Variants in ANKRD12 observed in about 807,000 individuals in gnomAD.
ANKRD12 encodes the protein ankyrin repeat domain 12.
A neutral mutation model predicts 183.4 loss-of-function variants in ANKRD12; 85 were observed. The ratio of observed to expected loss-of-function variants is 0.46; its 90% CI spans 0.39 to 0.56. The LOEUF is 0.56. Among genes scored for constraint, ANKRD12 ranks in the 20% least tolerant of loss-of-function variants. The pLI, the probability that ANKRD12 is intolerant of heterozygous loss-of-function variation, is 0.00. For missense variants in ANKRD12, 2,405 were observed against 2,357.1 expected, an observed-to-expected ratio of 1.02 and a Z score of -0.42; for synonymous variants, 914 against 800.2, an observed-to-expected ratio of 1.14 and a Z score of -2.40.
chr18:9,162,784 CA>C (rs1336122364), intron 1 of ANKRD12, among the ~76,000 whole-genome samples: 2 of 148,936 alleles, frequency 1.3e-5, no homozygotes, highest in Non-Finnish European at 3.0e-5. Flanking sequence ...TTTTGATTTG[CA>C]TTTCTCTAAT....
At chr18:9,167,859 A>G (rs1360547144) in intron 1 of ANKRD12, among the ~76,000 whole-genome samples, 6 of 152,144 alleles carry the variant, frequency 3.9e-5, no homozygotes, top group Admixed American at 3.9e-4. Flanking sequence ...TGGGTTTGTC[A>G]TACATAGCTC....
intron 8 of ANKRD12, among the ~76,000 whole-genome samples, chr18:9,253,445 T>C (rs1363226836): frequency 2.0e-5 from 3 of 152,236 alleles, no homozygotes; most frequent in African/African-American, 2.4e-5. Context: ...TTTGTCTTAG[T>C]GTGTCTGGCT....
chr18:9,144,894 A>G (rs1434163980), intron 1 of ANKRD12, among the ~76,000 whole-genome samples: 4 of 150,780 alleles, frequency 2.7e-5, no homozygotes, highest in Admixed American at 6.6e-5. Flanking sequence ...TATGTAATAC[A>G]TACATTATGT....
intron 10 of ANKRD12, among the ~76,000 whole-genome samples, chr18:9,274,815 CTTGT>C (rs751555637): frequency 2.0e-5 from 3 of 152,190 alleles, no homozygotes; most frequent in South Asian, 4.1e-4. Flanking sequence ...GGTTACTTAG[CTTGT>C]TTGTTTGTAG....
intron 12 of ANKRD12, among the ~76,000 whole-genome samples, chr18:9,280,529 G>A (rs1221953989): frequency 6.6e-6 from 1 of 152,118 alleles, no homozygotes; most frequent in Admixed American, 6.6e-5. Flanking sequence ...CAGTTCACAC[G>A]TGTAATCCCA....
At chr18:9,263,694 G>GT (rs751643555) in intron 9 of ANKRD12, 96 bp from the exon 10 acceptor site, 26 of 837,150 alleles carry the variant, frequency 3.1e-5, no homozygotes, top group Non-Finnish European at 4.4e-5. Context: ...ATCAGAATTT[G>GT]TTTTTTTATG....
In ANKRD12 at chr18:9,178,968, A is replaced by T. The variant is rs185401406; in HGVS notation, c.-51-3414A>T. On this transcript the variant is annotated intron_variant, in intron 1 of 12. Coordinates refer to ENST00000262126, the MANE Select transcript of ANKRD12 (RefSeq NM_015208.5). ...TTGCTTATTGCTAGTATGTAGAAAA[A>T]TTTTTTCACATATTCACCATGTATT... 1.2e-3 allele frequency among the ~76,000 whole-genome samples: 175 copies of T among 151,990 alleles called. 2 individuals carry two copies. The highest frequency in any genetic ancestry group is 3.9e-3 in the African/African-American group (162 of 41,452).
intron 3 of ANKRD12, among the ~76,000 whole-genome samples, chr18:9,196,189 T>TACACAC (rs34220366): frequency 0.21 from 10,904 of 51,438 alleles, 672 homozygotes; most frequent in South Asian, 0.28. Flanking sequence ...ATAGAATTTT[T>TACACAC]ACACACACAC....
At chr18:9,230,998 T>A (rs112272482) in intron 8 of ANKRD12, among the ~76,000 whole-genome samples, 63 of 152,232 alleles carry the variant, frequency 4.1e-4, no homozygotes, top group African/African-American at 1.5e-3. Flanking sequence ...GAATTTTTTT[T>A]ATTTCCATCT....
At chr18:9,206,543 C>G (rs1016693935) in intron 4 of ANKRD12, among the ~76,000 whole-genome samples, 1 of 152,052 alleles carries the variant, frequency 6.6e-6, no homozygotes, top group Non-Finnish European at 1.5e-5. Flanking sequence ...TTGTCTCTAT[C>G]CTAGCTGCCT....
chr18:9,198,224 A>AT (rs1200009167), intron 3 of ANKRD12, among the ~76,000 whole-genome samples: 3 of 152,178 alleles, frequency 2.0e-5, no homozygotes, highest in Admixed American at 2.0e-4. Flanking sequence ...CCCTTAATAT[A>AT]TGTAGTATTT....
chr18:9,195,482 T>G, intron 2 of ANKRD12, 69 bp from the exon 3 acceptor site: 1 of 1,188,434 alleles, frequency 8.4e-7, no homozygotes, highest in East Asian at 2.8e-5. Context: ...GAAATTTTCC[T>G]TAGGGGTTTC....
Position 9,256,528 on chromosome 18 carries a change from A to G in ANKRD12, c.3261A>G (p.Lys1087=). The change falls in exon 9 of 13, where the codon AAA becomes AAG. Residue 1087 remains lysine (K), a synonymous_variant. Transcript: ENST00000262126. Reference sequence around the variant, plus strand: ...GTTTTGAACGAATGCTAAGCCTTAAAGACCTAGAAATAGAACAGTGGCACA... The same window carrying G: ...GTTTTGAACGAATGCTAAGCCTTAAGGACCTAGAAATAGAACAGTGGCACA... ...QTSFERMLSL[K]DLEIEQWHKK... is the part of the protein sequence containing the mutation. 6.2e-7 allele frequency: 1 copy of G among 1,607,128 alleles called. No homozygotes were observed. The highest frequency in any genetic ancestry group is 8.5e-7 in the Non-Finnish European group (1 of 1,178,272).
intron 7 of ANKRD12, among the ~76,000 whole-genome samples, chr18:9,217,682 C>T (rs2036189424): frequency 6.6e-6 from 1 of 152,160 alleles, no homozygotes; most frequent in African/African-American, 2.4e-5. Context: ...CTACTCTTTT[C>T]TCTGTGCTCC....
At chr18:9,221,079 C>G (rs536100714) in intron 7 of ANKRD12, among the ~76,000 whole-genome samples, 1 of 152,118 alleles carries the variant, frequency 6.6e-6, no homozygotes, top group Non-Finnish European at 1.5e-5. Context: ...TTCTTTAATA[C>G]CATTATTTTT....
At chr18:9,219,905 A>G (rs1383428659) in intron 7 of ANKRD12, among the ~76,000 whole-genome samples, 1 of 152,088 alleles carries the variant, frequency 6.6e-6, no homozygotes. Context: ...CTCCTCTCTC[A>G]CCCTGGGTAG....
At position 9,235,841 on chromosome 18, in the gene ANKRD12, G is replaced by T. The variant is rs151129064; in HGVS notation, c.943+13842G>T. The T allele has an allele frequency of 3.5e-5, 12 of 345,278 alleles. No individual in the cohort carries two copies. In the East Asian group the frequency reaches 8.8e-4, roughly 25 times the overall value. 21.4% of individuals were successfully genotyped at this position (345,278 alleles called of 1,614,324 possible). A position where few individuals can be genotyped will look rare whatever the true frequency, so the allele number is the denominator to read the frequency against. ...TAAAAGGCTCATCAGACTTTAATGGGCAAGACTGAGAAATATGTGTTTAAT... is the reference window on the plus strand; with the variant it reads ...TAAAAGGCTCATCAGACTTTAATGGTCAAGACTGAGAAATATGTGTTTAAT... On this transcript the variant is annotated intron_variant, in intron 8 of 12. Coordinates refer to ENST00000262126, the MANE Select transcript of ANKRD12 (RefSeq NM_015208.5).
Position 9,254,310 on chromosome 18 carries a change from T to G in ANKRD12, c.1043T>G (p.Leu348Arg), listed in dbSNP as rs200277553. 2 of 1,612,842 alleles carry G rather than the reference T, an allele frequency of 1.2e-6. No individual in the cohort carries two copies. Among genetic ancestry groups the G allele is most frequent in the Non-Finnish European group, 1.7e-6 (2 of 1,179,442 alleles). The change falls in exon 9 of 13, where the codon CTT becomes CGT. Residue 348 changes from leucine (L) to arginine (R), a missense_variant. By Grantham distance (102) the Leu-to-Arg change is moderately radical (BLOSUM62 -2). Coordinates refer to ENST00000262126, the MANE Select transcript of ANKRD12 (RefSeq NM_015208.5). ...DSLICESKQILPSKTPLPSAL... is the reference protein window; with the variant it reads ...DSLICESKQIRPSKTPLPSAL... ...CTCATCTGTGAAAGTAAACAGATACTTCCCAGTAAAACACCTCTTCCATCT... is the reference window on the plus strand; with the variant it reads ...CTCATCTGTGAAAGTAAACAGATACGTCCCAGTAAAACACCTCTTCCATCT...
At chr18:9,184,531 C>T (rs1388843805) in intron 2 of ANKRD12, among the ~76,000 whole-genome samples, 2 of 151,930 alleles carry the variant, frequency 1.3e-5, no homozygotes, top group South Asian at 2.1e-4. Flanking sequence ...TAGCTGAGAC[C>T]GCAGGTGCAC....
Sources: allele counts gnomAD v4.1 joint callset (sites outside exome capture counted in the v4.1 genomes callset), GRCh38; gene constraint gnomAD v4.1.1; transcripts MANE v1.5; gene names NCBI Gene and HGNC (gene_info 2026-07-23, HGNC 2026-07-21).